Variants in SRBD1 observed in about 807,000 individuals in gnomAD.
SRBD1 encodes the protein S1 RNA-binding domain-containing protein 1.
Under a neutral mutation model 115.3 loss-of-function variants are expected in SRBD1, and 88 were observed. The observed-to-expected ratio is 0.76, with a 90% CI of 0.64 to 0.91. The LOEUF (loss-of-function observed/expected upper bound fraction) is 0.91, where lower values mean the gene tolerates loss of function less well. Ranked by LOEUF, SRBD1 falls within the 40% of genes least tolerant of loss-of-function variation. The pLI is 0.00. For missense variants in SRBD1, 1,385 were observed against 1,177.4 expected (o/e 1.18, Z -2.58); for synonymous variants, 509 against 407.7 (o/e 1.25, Z -2.99).
At chr2:45,483,521 G>A (rs942201375) in intron 15 of SRBD1, among the ~76,000 whole-genome samples, 8 of 152,028 alleles carry the variant, frequency 5.3e-5, no homozygotes, top group Non-Finnish European at 1.2e-4. Flanking sequence ...AATGTCATGG[G>A]TTTTGGCCTT....
chr2:45,547,414 C>T (rs1197096117), intron 13 of SRBD1, 108 bp downstream of exon 13: 5 of 925,178 alleles, frequency 5.4e-6, no homozygotes, highest in African/African-American at 1.7e-5. Context: ...GGTTTATTGT[C>T]TCTCACAAAG....
intron 4 of SRBD1, among the ~76,000 whole-genome samples, chr2:45,589,152 T>C (rs1463811448): frequency 6.6e-6 from 1 of 152,174 alleles, no homozygotes; most frequent in Non-Finnish European, 1.5e-5. Context: ...ATTTCTAAAA[T>C]ACAAATATAA....
intron 4 of SRBD1, among the ~76,000 whole-genome samples, chr2:45,594,522 C>T (rs1288598855): frequency 6.6e-6 from 1 of 152,178 alleles, no homozygotes; most frequent in Admixed American, 6.6e-5. Flanking sequence ...TTAACAAAAA[C>T]TAGTTTCTGG....
chr2:45,575,669 T>C (rs1673152895), intron 7 of SRBD1, among the ~76,000 whole-genome samples: 2 of 152,152 alleles, frequency 1.3e-5, no homozygotes, highest in South Asian at 4.1e-4. Flanking sequence ...AGTAATTATG[T>C]TTACAGTTGA....
intron 14 of SRBD1, among the ~76,000 whole-genome samples, chr2:45,497,973 C>G (rs1033747571): frequency 6.6e-6 from 1 of 152,112 alleles, no homozygotes. Flanking sequence ...CACAGCACCC[C>G]AGCCTGGGCG....
intron 14 of SRBD1, among the ~76,000 whole-genome samples, chr2:45,526,188 A>T (rs1345040059): frequency 2.0e-5 from 3 of 152,094 alleles, no homozygotes; most frequent in African/African-American, 7.2e-5. Context: ...ACAGCCAAAG[A>T]GTGGAAATAA....
At chr2:45,543,348 T>C (rs1672006638) in intron 14 of SRBD1, among the ~76,000 whole-genome samples, 1 of 152,186 alleles carries the variant, frequency 6.6e-6, no homozygotes, top group Non-Finnish European at 1.5e-5. Flanking sequence ...AAAAGACAGA[T>C]GAATGGGTCA....
At chr2:45,432,896 A>C (rs1572635035) in intron 16 of SRBD1, among the ~76,000 whole-genome samples, 2 of 152,292 alleles carry the variant, frequency 1.3e-5, no homozygotes, top group Middle Eastern at 6.8e-3. Flanking sequence ...ACTCTACCAC[A>C]AACTTCTGAA....
At chr2:45,602,494 T>C (rs531410405) in intron 2 of SRBD1, among the ~76,000 whole-genome samples, 42 of 152,332 alleles carry the variant, frequency 2.8e-4, no homozygotes, top group Non-Finnish European at 5.3e-4. Context: ...ATTTAAATTG[T>C]ATTAAGTTAT....
chr2:45,548,694 G>C (rs1336108368), intron 12 of SRBD1, among the ~76,000 whole-genome samples: 1 of 143,476 alleles, frequency 7.0e-6, no homozygotes, highest in African/African-American at 2.6e-5. Flanking sequence ...AAGGACAAAA[G>C]CCACATGATA....
intron 9 of SRBD1, among the ~76,000 whole-genome samples, chr2:45,568,859 T>C (rs1037597933): frequency 1.3e-5 from 2 of 152,268 alleles, no homozygotes; most frequent in African/African-American, 4.8e-5. Flanking sequence ...TTACTTTTCA[T>C]TATGTTATAC....
chr2:45,587,786 T>C (rs573666646), intron 4 of SRBD1, among the ~76,000 whole-genome samples: 24 of 152,338 alleles, frequency 1.6e-4, no homozygotes, highest in African/African-American at 5.5e-4. Flanking sequence ...TGACTCTCTT[T>C]CACATGAGCT....
chr2:45,541,238 T>C (rs1671925212), intron 14 of SRBD1, among the ~76,000 whole-genome samples: 1 of 152,208 alleles, frequency 6.6e-6, no homozygotes, highest in African/African-American at 2.4e-5. Context: ...CACCCACATC[T>C]GGACGAGGGG....
intron 18 of SRBD1, 48 bp from the exon 19 acceptor site, chr2:45,413,341 G>A: frequency 6.4e-7 from 1 of 1,564,952 alleles, no homozygotes; most frequent in Non-Finnish European, 8.6e-7. Flanking sequence ...GGAAGGTTGG[G>A]CAGAAAAGTC....
intron 15 of SRBD1, among the ~76,000 whole-genome samples, chr2:45,486,728 C>A (rs1355746774): frequency 6.7e-6 from 1 of 148,660 alleles, no homozygotes; most frequent in African/African-American, 2.5e-5. Context: ...GAGACCCCAT[C>A]TCAAAAAAAA....
At chr2:45,607,124 C>T (rs1674297550) in intron 1 of SRBD1, among the ~76,000 whole-genome samples, 1 of 152,088 alleles carries the variant, frequency 6.6e-6, no homozygotes, top group Non-Finnish European at 1.5e-5. Context: ...CTCTTTTTGG[C>T]ATATTAGGTT....
intron 7 of SRBD1, among the ~76,000 whole-genome samples, chr2:45,578,656 C>T (rs1400723722): frequency 6.6e-6 from 1 of 151,972 alleles, no homozygotes; most frequent in African/African-American, 2.4e-5. Flanking sequence ...TTTACATGTC[C>T]CAGCCTATGG....
chr2:45,391,516 G>A (rs1667000618), intron 20 of SRBD1, among the ~76,000 whole-genome samples: 1 of 152,186 alleles, frequency 6.6e-6, no homozygotes, highest in African/African-American at 2.4e-5. Context: ...TAGTTTGTAA[G>A]CCTTCCTCAC....
intron 19 of SRBD1, among the ~76,000 whole-genome samples, chr2:45,402,434 C>T (rs1667316381): frequency 6.6e-6 from 1 of 152,126 alleles, no homozygotes; most frequent in Non-Finnish European, 1.5e-5. Flanking sequence ...ATAAGCACAT[C>T]AGCAGAAACA....
Sources: gnomAD v4.1 joint callset for allele counts (sites outside exome capture counted in the v4.1 genomes callset) on GRCh38, gnomAD v4.1.1 for gene constraint, MANE v1.5 for transcripts, NCBI Gene and HGNC (gene_info 2026-07-23, HGNC 2026-07-21) for gene names.